OLFM3: variants seen among roughly 807,000 people sequenced by gnomAD.
OLFM3 encodes the protein noelin-3.
A neutral mutation model predicts 48.6 loss-of-function variants in OLFM3; 20 were observed. The ratio of observed to expected loss-of-function variants is 0.41; its 90% CI spans 0.29 to 0.60. OLFM3 has a LOEUF of 0.60. Among genes scored for constraint, OLFM3 ranks in the 20% least tolerant of loss-of-function variants. The pLI, the probability that OLFM3 is intolerant of heterozygous loss-of-function variation, is 0.28. For missense variants in OLFM3, 437 were observed against 544.3 expected (o/e 0.80, Z 1.96); for synonymous variants, 222 against 198.1 (o/e 1.12, Z -1.01).
intron 1 of OLFM3, among the ~76,000 whole-genome samples, chr1:101,920,005 T>C (rs567064061): frequency 1.3e-5 from 2 of 152,326 alleles, no homozygotes; most frequent in East Asian, 3.9e-4. Context: ...CTTTTCTGTC[T>C]CTTATATTTC....
chr1:101,902,598 C>T lies in OLFM3; in HGVS notation c.70-65573G>A, dbSNP rs139149935. ...GAAATGTTTATAAGAAAGATGGTCTCAGTCAGGTGTACAAAGAAAAGAAGT... is the reference window on the plus strand; with the variant it reads ...GAAATGTTTATAAGAAAGATGGTCTTAGTCAGGTGTACAAAGAAAAGAAGT... On this transcript the variant is annotated intron_variant, in intron 1 of 5. Coordinates refer to ENST00000370103, the MANE Select transcript of OLFM3 (RefSeq NM_058170.4). Among the ~76,000 whole-genome samples, 208 of 152,160 alleles carry T rather than the reference C, an allele frequency of 1.4e-3. 2 individuals are homozygous for T. Among genetic ancestry groups the T allele is most frequent in the African/African-American group, 4.7e-3 (197 of 41,538 alleles).
At chr1:101,860,630 A>T (rs967939471) in intron 1 of OLFM3, among the ~76,000 whole-genome samples, 2 of 152,064 alleles carry the variant, frequency 1.3e-5, no homozygotes, top group Admixed American at 1.3e-4. Context: ...GTATTTGGTC[A>T]GACCAGTTCT....
intron 1 of OLFM3, among the ~76,000 whole-genome samples, chr1:101,871,113 C>G (rs1326628810): frequency 1.3e-5 from 2 of 152,030 alleles, no homozygotes; most frequent in Admixed American, 1.3e-4. Flanking sequence ...ATCACCCTTA[C>G]CAAACTCCTT....
intron 1 of OLFM3, among the ~76,000 whole-genome samples, chr1:101,958,971 A>G (rs1660384693): frequency 6.6e-6 from 1 of 151,962 alleles, no homozygotes; most frequent in South Asian, 2.1e-4. Flanking sequence ...TATAGTCACC[A>G]TGCTGTACAA....
chr1:101,961,773 G>A (rs537711146), intron 1 of OLFM3, among the ~76,000 whole-genome samples: 1 of 152,182 alleles, frequency 6.6e-6, no homozygotes, highest in East Asian at 1.9e-4. Context: ...AAGTTATTCA[G>A]GACACTGGAC....
intron 1 of OLFM3, among the ~76,000 whole-genome samples, chr1:101,974,115 G>A (rs553778405): frequency 6.7e-6 from 1 of 148,862 alleles, no homozygotes; most frequent in Non-Finnish European, 1.5e-5. Flanking sequence ...CTAACTCGTA[G>A]ATAACACTAA....
intron 1 of OLFM3, among the ~76,000 whole-genome samples, chr1:101,859,185 G>GT (rs1292507107): frequency 6.6e-6 from 1 of 152,100 alleles, no homozygotes; most frequent in Non-Finnish European, 1.5e-5. Flanking sequence ...GCAGAAACAT[G>GT]TAGCTCTCCA....
chr1:101,990,421 G>A (rs1279727321), intron 1 of OLFM3, among the ~76,000 whole-genome samples: 2 of 152,062 alleles, frequency 1.3e-5, no homozygotes, highest in Non-Finnish European at 2.9e-5. Flanking sequence ...GATGTAAGTG[G>A]AATATTTGCA....
chr1:101,808,870 C>G (rs1174699162), intron 4 of OLFM3, among the ~76,000 whole-genome samples: 1 of 151,724 alleles, frequency 6.6e-6, no homozygotes, highest in Non-Finnish European at 1.5e-5. Context: ...GGGCTCCCCA[C>G]AGAAGAGATA....
chr1:101,925,431 T>C (rs918174210), intron 1 of OLFM3, among the ~76,000 whole-genome samples: 41 of 152,218 alleles, frequency 2.7e-4, no homozygotes, highest in South Asian at 8.3e-4. Flanking sequence ...ATGCTGTACT[T>C]AGTTCTACCA....
chr1:101,954,554 G>C (rs1660233031), intron 1 of OLFM3, among the ~76,000 whole-genome samples: 1 of 151,944 alleles, frequency 6.6e-6, no homozygotes. Context: ...TCTTCTAAGA[G>C]GTGTACTCAC....
intron 1 of OLFM3, among the ~76,000 whole-genome samples, chr1:101,954,555 G>A (rs1174345715): frequency 6.6e-6 from 1 of 151,984 alleles, no homozygotes; most frequent in African/African-American, 2.4e-5. Context: ...CTTCTAAGAG[G>A]TGTACTCACC....
At chr1:101,950,175 G>A (rs1020985697) in intron 1 of OLFM3, among the ~76,000 whole-genome samples, 2 of 151,846 alleles carry the variant, frequency 1.3e-5, no homozygotes, top group African/African-American at 2.4e-5. Context: ...CTCTCTAATC[G>A]CCTAGAAGTA....
intron 1 of OLFM3, among the ~76,000 whole-genome samples, chr1:101,970,444 T>C (rs902321777): frequency 2.0e-4 from 31 of 152,366 alleles, no homozygotes; most frequent in Admixed American, 1.4e-3. Context: ...TAAACACTAC[T>C]CTCTCCTAAT....
chr1:101,964,925 A>G (rs1660567596), intron 1 of OLFM3, among the ~76,000 whole-genome samples: 2 of 152,242 alleles, frequency 1.3e-5, no homozygotes, highest in Non-Finnish European at 2.9e-5. Context: ...ATTTGAGGGT[A>G]TGTCCTGTCA....
intron 1 of OLFM3, among the ~76,000 whole-genome samples, chr1:101,889,263 C>G (rs1394426889): frequency 6.6e-6 from 1 of 152,100 alleles, no homozygotes; most frequent in Non-Finnish European, 1.5e-5. Context: ...AAATGTCCCT[C>G]AATGACAGAC....
At chr1:101,864,222 A>G (rs550023332) in intron 1 of OLFM3, among the ~76,000 whole-genome samples, 1 of 151,330 alleles carries the variant, frequency 6.6e-6, no homozygotes, top group East Asian at 1.9e-4. Flanking sequence ...AATCTTTAAT[A>G]TTTTATACAA....
intron 1 of OLFM3, among the ~76,000 whole-genome samples, chr1:101,876,211 A>G (rs971421076): frequency 6.6e-6 from 1 of 152,000 alleles, no homozygotes; most frequent in African/African-American, 2.4e-5. Flanking sequence ...ATATCTTCCC[A>G]CAACTCTCTT....
At chr1:101,866,041 A>G (rs1266534854) in intron 1 of OLFM3, among the ~76,000 whole-genome samples, 2 of 152,226 alleles carry the variant, frequency 1.3e-5, no homozygotes, top group Admixed American at 1.3e-4. Context: ...ATATTTCATC[A>G]GCTGAAGGAA....
Sources: allele counts gnomAD v4.1 joint callset (sites outside exome capture counted in the v4.1 genomes callset), GRCh38; gene constraint gnomAD v4.1.1; transcripts MANE v1.5; gene names NCBI Gene and HGNC (gene_info 2026-07-23, HGNC 2026-07-21).